ADGRA1: variants seen among roughly 807,000 people sequenced by gnomAD.
ADGRA1 encodes G-protein coupled receptor 123.
In ADGRA1, 12 loss-of-function variants were observed where a neutral mutation model predicts 21.3. That is an observed-to-expected ratio of 0.56 (90% confidence interval 0.36 to 0.91). The LOEUF (loss-of-function observed/expected upper bound fraction) is 0.91, where lower values mean the gene tolerates loss of function less well. ADGRA1 is among the 40% of genes least tolerant of loss of function. ADGRA1 has a pLI of 0.01. For missense variants in ADGRA1, 790 were observed against 805.6 expected (o/e 0.98, Z 0.23); for synonymous variants, 385 against 368.8 (o/e 1.04, Z -0.50).
chr10:133,102,955 C>T (rs994353728), intron 5 of ADGRA1, 113 bp downstream of exon 5: 13 of 1,136,208 alleles, frequency 1.1e-5, no homozygotes, highest in African/African-American at 1.6e-5. Context: ...GAGGATGATC[C>T]GGTCCATGGG....
intron 5 of ADGRA1, among the ~76,000 whole-genome samples, chr10:133,120,137 C>T (rs1852228409): frequency 6.6e-6 from 1 of 152,240 alleles, no homozygotes; most frequent in South Asian, 2.1e-4. Flanking sequence ...AGCGCGGTGG[C>T]TCATGCCTGT....
chr10:133,103,494 C>T (rs1347022557), intron 5 of ADGRA1, among the ~76,000 whole-genome samples: 3 of 152,224 alleles, frequency 2.0e-5, no homozygotes, highest in African/African-American at 7.2e-5. Context: ...GCCGCCCCGG[C>T]GGCCTGCACC....
At chr10:133,122,579 G>A (rs743050) in intron 5 of ADGRA1, among the ~76,000 whole-genome samples, 94,072 of 152,192 alleles carry the variant, frequency 0.62, 29,945 homozygotes, top group African/African-American at 0.77. Flanking sequence ...ATACTTTCTA[G>A]ATTTAATCAT....
rs1852464551 is a variant in ADGRA1 at position 133,129,388 on chromosome 10, G to C, written c.1560G>C (p.Leu520=). 6.2e-7 allele frequency: 1 copy of C among 1,605,200 alleles called. No homozygotes were observed. The highest frequency in any genetic ancestry group is 1.3e-5 in the African/African-American group (1 of 74,842). ...AGATGCTGCGGAGGACACAGTCCCT[G>C]CCCTTTGGTGGCCCCAGCCAGAACG... ...HLEMLRRTQS[L]PFGGPSQNGL... Residue 520 remains leucine (L), a synonymous_variant, in exon 7 of 7, where the codon CTG becomes CTC. Transcript: ENST00000392607.
intron 5 of ADGRA1, among the ~76,000 whole-genome samples, chr10:133,119,730 C>T (rs1017811062): frequency 1.3e-5 from 2 of 152,230 alleles, no homozygotes; most frequent in South Asian, 4.1e-4. Context: ...TCTTCAGGCT[C>T]CACTTCTAAT....
In ADGRA1 at chr10:133,098,455, C is replaced by T. The variant is rs572039045; in HGVS notation, c.132-185C>T. On this transcript the variant is annotated intron_variant, in intron 3 of 6. Coordinates refer to ENST00000392607, the MANE Select transcript of ADGRA1 (RefSeq NM_001083909.3). ...ACGTAAGGCAGAACTTTCCAGTGGC[C>T]GTCACTCAGGGCAGACTCGGACGAC... 4.6e-5 allele frequency among the ~76,000 whole-genome samples: 7 copies of T among 152,254 alleles called. No individual in the cohort carries two copies. In the East Asian group the frequency reaches 1.2e-3, roughly 25 times the overall value.
chr10:133,098,490 C>G (rs951299274), intron 3 of ADGRA1, 150 bp from the exon 4 acceptor site: 1 of 887,608 alleles, frequency 1.1e-6, no homozygotes, highest in South Asian at 1.8e-5. Flanking sequence ...CCCATCTGCT[C>G]TCCCCTGACC....
chr10:133,092,943 T>C (rs2135864221), intron 2 of ADGRA1: 1 of 1,568,970 alleles, frequency 6.4e-7, no homozygotes, highest in Non-Finnish European at 8.6e-7. Flanking sequence ...AGGATATGTG[T>C]TCCTTCCTCA....
chr10:133,110,060 G>C (rs980194430), intron 5 of ADGRA1, among the ~76,000 whole-genome samples: 2 of 152,230 alleles, frequency 1.3e-5, no homozygotes, highest in African/African-American at 4.8e-5. Flanking sequence ...CCTGGGTGTG[G>C]TTTGTCTCCA....
intron 5 of ADGRA1, among the ~76,000 whole-genome samples, chr10:133,106,216 C>T (rs1490395103): frequency 1.3e-5 from 2 of 152,168 alleles, no homozygotes; most frequent in South Asian, 2.1e-4. Context: ...CTGAGGGGGG[C>T]GCTTTGGATC....
chr10:133,115,574 C>T (rs1252642580), intron 5 of ADGRA1, among the ~76,000 whole-genome samples: 1 of 152,202 alleles, frequency 6.6e-6, no homozygotes, highest in Non-Finnish European at 1.5e-5. Context: ...GCTAGCCAGC[C>T]ACCTCCTTGA....
intron 2 of ADGRA1, among the ~76,000 whole-genome samples, chr10:133,095,070 C>T (rs879924933): frequency 6.6e-6 from 1 of 152,204 alleles, no homozygotes; most frequent in Non-Finnish European, 1.5e-5. Context: ...GGCAAGCACT[C>T]CAGTAGCCAG....
At position 133,129,113 on chromosome 10, in the gene ADGRA1, C is replaced by T. The variant is rs1302820273; in HGVS notation, c.1285C>T (p.His429Tyr). ...AACTAAGCCGCCCTACTTTAGCCGG[C>T]ACCCAGCAGAGGAGCCCGAGTACGC... is the stretch of plus-strand genomic sequence containing the variant. ...GRTKPPYFSR[H>Y]PAEEPEYAYH... is the part of the protein sequence containing the mutation. Residue 429 changes from histidine to tyrosine, a missense_variant, in exon 7 of 7, where the codon CAC becomes TAC. His to Tyr is a moderately conservative substitution (Grantham distance 83). Transcript: ENST00000392607. 4.5e-6 allele frequency: 7 copies of T among 1,552,438 alleles called. No homozygotes were observed. The highest frequency in any genetic ancestry group is 6.1e-6 in the Non-Finnish European group (7 of 1,147,086).
intron 4 of ADGRA1, 123 bp downstream of exon 4, chr10:133,098,886 C>G: frequency 7.6e-7 from 1 of 1,317,124 alleles, no homozygotes; most frequent in Non-Finnish European, 1.0e-6. Flanking sequence ...CGGACCCTGG[C>G]ACATCGGTGT....
At position 133,127,371 on chromosome 10, in the gene ADGRA1, G is replaced by C. The variant is rs775629867; in HGVS notation, c.500+40G>C. 6.8e-6 allele frequency: 10 copies of C among 1,477,242 alleles called. No individual in the cohort carries two copies. In the East Asian group the frequency reaches 2.5e-4, roughly 37 times the overall value. 91.5% of individuals were successfully genotyped at this position (1,477,242 alleles called of 1,614,324 possible). On this transcript the variant is annotated intron_variant, in intron 6 of 6. Coordinates refer to ENST00000392607, the MANE Select transcript of ADGRA1 (RefSeq NM_001083909.3). ...CCCAGAACCGGGAGCTGGGAGCAGCGGGTGGGCTCTGCCTGAGGTCCCTCC... is the reference window on the plus strand; with the variant it reads ...CCCAGAACCGGGAGCTGGGAGCAGCCGGTGGGCTCTGCCTGAGGTCCCTCC...
intron 5 of ADGRA1, 44 bp downstream of exon 5, chr10:133,102,886 G>A: frequency 1.3e-6 from 2 of 1,581,364 alleles, no homozygotes; most frequent in Middle Eastern, 1.7e-4. Flanking sequence ...CCTGGGCCCT[G>A]GACGCTGCAT....
At chr10:133,105,880 G>A (rs149972091) in intron 5 of ADGRA1, among the ~76,000 whole-genome samples, 198 of 152,274 alleles carry the variant, frequency 1.3e-3, no homozygotes, top group Non-Finnish European at 2.3e-3. Flanking sequence ...GGTCACAGCC[G>A]CCATCCACCT....
At position 133,096,985 on chromosome 10, in the gene ADGRA1, A is replaced by G; in HGVS notation, c.15A>G (p.Thr5=). 6.2e-7 allele frequency: 1 copy of G among 1,612,794 alleles called. No individual in the cohort carries two copies. The highest frequency in any genetic ancestry group is 8.5e-7 in the Non-Finnish European group (1 of 1,179,096). MDLK[T]VLSLPRYPGE... The stretch of plus-strand genomic sequence containing the variant: ...TGCTTTATCCTCAGGATCTGAAGAC[A>G]GTGCTCTCCCTGCCCCGCTACCCAG... The change falls in exon 3 of 7, where the codon ACA becomes ACG. Residue 5 remains threonine, a synonymous_variant. Coordinates refer to ENST00000392607, the MANE Select transcript of ADGRA1 (RefSeq NM_001083909.3).
intron 2 of ADGRA1, among the ~76,000 whole-genome samples, chr10:133,093,412 G>A (rs1427673788): frequency 6.6e-6 from 1 of 152,248 alleles, no homozygotes; most frequent in Non-Finnish European, 1.5e-5. Context: ...AAACAGAGGA[G>A]GAAGTTATGA....
Sources: allele counts gnomAD v4.1 joint callset (sites outside exome capture counted in the v4.1 genomes callset), GRCh38; gene constraint gnomAD v4.1.1; transcripts MANE v1.5; gene names NCBI Gene and HGNC (gene_info 2026-07-23, HGNC 2026-07-21).